The following CACNA2D3 variants were observed in gnomAD, a reference collection of about 807,000 sequenced individuals.
CACNA2D3 encodes voltage-dependent calcium channel subunit alpha-2/delta-3.
CACNA2D3 carries 60 observed loss-of-function variants against 160.6 expected under a neutral mutation model. The ratio of observed to expected loss-of-function variants is 0.37; its 90% CI spans 0.30 to 0.46. The LOEUF is 0.46. Ranked by LOEUF, CACNA2D3 falls within the 20% of genes least tolerant of loss-of-function variation. The pLI, the probability that CACNA2D3 is intolerant of heterozygous loss-of-function variation, is 1.00. For synonymous variants in CACNA2D3, 558 were observed against 492.9 expected (o/e 1.13, Z -1.75); for missense variants, 1,205 against 1,365.0 (o/e 0.88, Z 1.85).
chr3:54,588,430 A>T (rs970090749), intron 9 of CACNA2D3, among the ~76,000 whole-genome samples: 1 of 152,178 alleles, frequency 6.6e-6, no homozygotes, highest in Non-Finnish European at 1.5e-5. Context: ...GTCCACACTG[A>T]CATTTGACAA....
intron 4 of CACNA2D3, among the ~76,000 whole-genome samples, chr3:54,405,051 G>A (rs1222799435): frequency 6.6e-6 from 1 of 151,722 alleles, no homozygotes; most frequent in Non-Finnish European, 1.5e-5. Context: ...TCATGAATTG[G>A]AAGAATTAAT....
chr3:54,390,824 C>T (rs1049312832), intron 4 of CACNA2D3, among the ~76,000 whole-genome samples: 3 of 152,092 alleles, frequency 2.0e-5, no homozygotes, highest in South Asian at 2.1e-4. Context: ...TATGATGGTC[C>T]GTTAGAGCTG....
chr3:54,224,378 A>G (rs1022730192), intron 2 of CACNA2D3, among the ~76,000 whole-genome samples: 1 of 152,204 alleles, frequency 6.6e-6, no homozygotes, highest in Non-Finnish European at 1.5e-5. Context: ...TATTACCATT[A>G]TCAAGTATTA....
chr3:54,974,198 A>C (rs889539829), intron 29 of CACNA2D3, among the ~76,000 whole-genome samples: 8 of 152,206 alleles, frequency 5.3e-5, no homozygotes, highest in African/African-American at 1.9e-4. Flanking sequence ...ACTTGTAAAA[A>C]TCACACATCA....
intron 11 of CACNA2D3, among the ~76,000 whole-genome samples, chr3:54,724,905 A>G (rs1469423247): frequency 1.3e-5 from 2 of 152,362 alleles, no homozygotes; most frequent in South Asian, 2.1e-4. Context: ...AAGACAGGAT[A>G]GAATTAAGAT....
At chr3:54,651,819 C>T (rs1288172044) in intron 11 of CACNA2D3, among the ~76,000 whole-genome samples, 1 of 152,142 alleles carries the variant, frequency 6.6e-6, no homozygotes, top group African/African-American at 2.4e-5. Flanking sequence ...CAGGAATCCC[C>T]TCTTCTCCTG....
At chr3:54,466,559 G>T (rs536703665) in intron 4 of CACNA2D3, among the ~76,000 whole-genome samples, 5 of 152,258 alleles carry the variant, frequency 3.3e-5, no homozygotes, top group Admixed American at 2.6e-4. Flanking sequence ...AACATTGCAA[G>T]TGTTATTCAT....
At chr3:54,262,848 T>C (rs1455854146) in intron 2 of CACNA2D3, among the ~76,000 whole-genome samples, 1 of 152,310 alleles carries the variant, frequency 6.6e-6, no homozygotes, top group East Asian at 1.9e-4. Context: ...TCTTTTTTCA[T>C]TTCCTTTTTG....
At chr3:54,464,531 C>T (rs1321374672) in intron 4 of CACNA2D3, among the ~76,000 whole-genome samples, 1 of 152,218 alleles carries the variant, frequency 6.6e-6, no homozygotes, top group Non-Finnish European at 1.5e-5. Flanking sequence ...TCTCAGAGTG[C>T]TGTGCTAGCA....
intron 2 of CACNA2D3, among the ~76,000 whole-genome samples, chr3:54,178,322 A>G (rs1241503256): frequency 1.3e-5 from 2 of 152,136 alleles, no homozygotes; most frequent in East Asian, 3.9e-4. Flanking sequence ...TGGGGTACCT[A>G]CCTTGGCCTC....
chr3:54,460,579 C>A (rs1399488665), intron 4 of CACNA2D3, among the ~76,000 whole-genome samples: 1 of 152,074 alleles, frequency 6.6e-6, no homozygotes, highest in African/African-American at 2.4e-5. Context: ...CTCTGTTTGT[C>A]CATTATTGGT....
chr3:54,701,031 A>C (rs1185713427), intron 11 of CACNA2D3, among the ~76,000 whole-genome samples: 1 of 152,210 alleles, frequency 6.6e-6, no homozygotes, highest in Admixed American at 6.5e-5. Flanking sequence ...CTCTGTTCTA[A>C]ATTTAAATGG....
At chr3:54,991,624 G>T (rs996924080) in intron 31 of CACNA2D3, among the ~76,000 whole-genome samples, 1 of 152,150 alleles carries the variant, frequency 6.6e-6, no homozygotes, top group Admixed American at 6.5e-5. Context: ...CTAGGGAAAA[G>T]GGAGAAAATA....
intron 27 of CACNA2D3, among the ~76,000 whole-genome samples, chr3:54,952,557 A>T (rs1211853091): frequency 1.3e-5 from 2 of 152,240 alleles, no homozygotes; most frequent in Non-Finnish European, 2.9e-5. Flanking sequence ...AATCTTTTCT[A>T]TAGGGACAGG....
chr3:54,506,281 G>A (rs1402640894), intron 5 of CACNA2D3, among the ~76,000 whole-genome samples: 2 of 152,088 alleles, frequency 1.3e-5, no homozygotes, highest in Non-Finnish European at 2.9e-5. Context: ...CTCAGAGATT[G>A]GTCACTGGCT....
intron 12 of CACNA2D3, among the ~76,000 whole-genome samples, chr3:54,754,928 A>G (rs939351164): frequency 1.3e-5 from 2 of 152,174 alleles, no homozygotes; most frequent in Non-Finnish European, 2.9e-5. Context: ...TAGGAAGGGA[A>G]GCTTGGGTCT....
intron 11 of CACNA2D3, among the ~76,000 whole-genome samples, chr3:54,730,722 C>T (rs1002181545): frequency 2.6e-5 from 4 of 151,970 alleles, no homozygotes; most frequent in African/African-American, 9.7e-5. Context: ...AGGCTGGTCT[C>T]GAACTTCTGA....
intron 13 of CACNA2D3, among the ~76,000 whole-genome samples, chr3:54,794,746 C>CATA (rs1303568718): frequency 6.6e-6 from 1 of 151,384 alleles, no homozygotes; most frequent in Non-Finnish European, 1.5e-5. Context: ...GGCTTGTATT[C>CATA]TTTTTGACGG....
At chr3:54,141,093 G>A (rs1190105704) in intron 2 of CACNA2D3, among the ~76,000 whole-genome samples, 1 of 100,110 alleles carries the variant, frequency 1.0e-5, no homozygotes, top group Non-Finnish European at 2.2e-5. Flanking sequence ...GTGTGCGCGC[G>A]CGCGCGTGTG....
Sources: allele counts gnomAD v4.1 joint callset (sites outside exome capture counted in the v4.1 genomes callset), GRCh38; gene constraint gnomAD v4.1.1; transcripts MANE v1.5; gene names NCBI Gene and HGNC (gene_info 2026-07-23, HGNC 2026-07-21).